GPM6B: variants seen among roughly 807,000 people sequenced by gnomAD.
The protein encoded by GPM6B is glycoprotein M6B.
Under a neutral mutation model 27.2 loss-of-function variants are expected in GPM6B, and 4 were observed. That is an observed-to-expected ratio of 0.15 (90% confidence interval 0.07 to 0.34). GPM6B has a LOEUF of 0.34. GPM6B is among the 10% of genes least tolerant of loss of function. The pLI is 1.00. For synonymous variants in GPM6B, 124 were observed against 103.1 expected, an observed-to-expected ratio of 1.20 and a Z score of -1.23; for missense variants, 183 against 261.9, an observed-to-expected ratio of 0.70 and a Z score of 2.08.
intron 1 of GPM6B, among the ~76,000 whole-genome samples, chrX:13,902,933 T>C (rs1242609052): frequency 3.6e-5 from 4 of 112,096 alleles, no homozygotes; most frequent in African/African-American, 1.3e-4. Flanking sequence ...TGGATATTAA[T>C]GGGTCTATCC....
In GPM6B at chrX:13,779,811, G is replaced by A; in HGVS notation, c.697+7C>T. The A allele has an allele frequency of 8.7e-7, 1 of 1,153,766 alleles. No individual in the cohort carries two copies. Among genetic ancestry groups the A allele is most frequent in the Non-Finnish European group, 1.2e-6 (1 of 855,538 alleles). ...AACTGGGGGAGGGGTGAATTAGAAG[G>A]AAGTACCGTATTGTCGGATATCCAC... On this transcript the variant is annotated splice_region_variant and intron_variant, in intron 5 of 7. Coordinates refer to ENST00000316715, the MANE Select transcript of GPM6B (RefSeq NM_001001995.3).
At chrX:13,907,933 C>G (rs1288253128) in intron 1 of GPM6B, among the ~76,000 whole-genome samples, 1 of 111,873 alleles carries the variant, frequency 8.9e-6, no homozygotes, top group Non-Finnish European at 1.9e-5. Flanking sequence ...GAAGTCATTA[C>G]TGAGAGCACA....
At chrX:13,872,477 C>G (rs1309179560) in intron 1 of GPM6B, among the ~76,000 whole-genome samples, 2 of 110,898 alleles carry the variant, frequency 1.8e-5, no homozygotes, top group African/African-American at 6.6e-5. Flanking sequence ...GCCTACATAT[C>G]ACTTTTGAGA....
chrX:13,772,988 T>G lies in GPM6B; in HGVS notation c.880A>C (p.Lys294Gln). Residue 294 changes from lysine (K) to glutamine (Q), a missense_variant, in exon 8 of 8, where the codon AAG becomes CAG. By Grantham distance (53) the Lys-to-Gln change is moderately conservative. Coordinates refer to ENST00000316715, the MANE Select transcript of GPM6B (RefSeq NM_001001995.3). ...TAAGCCTGCATTTTGCTCGCATCCTTTAAGTAAGCCCAGTTAGAAGACAGT... is the reference window on the plus strand; with the variant it reads ...TAAGCCTGCATTTTGCTCGCATCCTGTAAGTAAGCCCAGTTAGAAGACAGT... ...MILSSNWAYL[K>Q]DASKMQAYQD... 8.3e-7 allele frequency: 1 copy of G among 1,210,457 alleles called. No individual in the cohort carries two copies. Among genetic ancestry groups the G allele is most frequent in the Non-Finnish European group, 1.1e-6 (1 of 894,336 alleles).
At chrX:13,834,611 A>T (rs1385810883) in intron 1 of GPM6B, among the ~76,000 whole-genome samples, 2 of 111,751 alleles carry the variant, frequency 1.8e-5, no homozygotes, top group Admixed American at 9.5e-5. Flanking sequence ...GGGCTTAAAA[A>T]TTTTTTTCAT....
Position 13,791,902 on chromosome X carries a change from A to C in GPM6B, c.182-6094T>G, listed in dbSNP as rs749314460. ...CACACATACATACACACACACACACACCCTCCCAAACACCCCCCAACAAAC... is the reference window on the plus strand; with the variant it reads ...CACACATACATACACACACACACACCCCCTCCCAAACACCCCCCAACAAAC... On this transcript the variant is annotated intron_variant, in intron 2 of 7. Coordinates refer to ENST00000316715, the MANE Select transcript of GPM6B (RefSeq NM_001001995.3). Among the ~76,000 whole-genome samples, 100 of 108,894 alleles carry C rather than the reference A, an allele frequency of 9.2e-4. 2 individuals are homozygous for C. Among genetic ancestry groups the C allele is most frequent in the Non-Finnish European group, 5.2e-4 (27 of 52,367 alleles). 94.6% of individuals were successfully genotyped at this position (108,894 alleles called of 115,157 possible). A position where few individuals can be genotyped will look rare whatever the true frequency, so the allele number is the denominator to read the frequency against.
chrX:13,818,603 A>G (rs2049273878), upstream of GPM6B, among the ~76,000 whole-genome samples: 1 of 112,371 alleles, frequency 8.9e-6, no homozygotes, highest in Admixed American at 9.5e-5. Flanking sequence ...GACCACGCCC[A>G]CAATCAAATA....
At chrX:13,779,427 A>T (rs1425332680) in intron 5 of GPM6B, among the ~76,000 whole-genome samples, 4 of 112,432 alleles carry the variant, frequency 3.6e-5, no homozygotes, top group African/African-American at 1.3e-4. Context: ...AATTAATTGA[A>T]TTATACAATG....
chrX:13,919,830 G>A (rs2050461146), intron 1 of GPM6B, among the ~76,000 whole-genome samples: 1 of 111,755 alleles, frequency 8.9e-6, no homozygotes, highest in South Asian at 3.8e-4. Flanking sequence ...ACTGGGGGAT[G>A]AGTCTTTGCT....
At chrX:13,891,339 T>C (rs1030142482) in intron 1 of GPM6B, among the ~76,000 whole-genome samples, 3 of 111,296 alleles carry the variant, frequency 2.7e-5, no homozygotes, top group African/African-American at 9.8e-5. Context: ...ACTGCTGCTC[T>C]GGAATTCATA....
intron 2 of GPM6B, among the ~76,000 whole-genome samples, chrX:13,802,552 T>A (rs866237804): frequency 6.6e-5 from 7 of 106,019 alleles, no homozygotes; most frequent in African/African-American, 2.0e-4. Flanking sequence ...ATAAATTATT[T>A]TATATATATA....
intron 1 of GPM6B, among the ~76,000 whole-genome samples, chrX:13,827,894 GC>G (rs752242341): frequency 9.0e-6 from 1 of 111,717 alleles, no homozygotes; most frequent in East Asian, 2.8e-4. Flanking sequence ...CCTTCAACAT[GC>G]AGGAGTTGAC....
chrX:13,913,735 G>C (rs1464090498), intron 1 of GPM6B, among the ~76,000 whole-genome samples: 1 of 110,953 alleles, frequency 9.0e-6, no homozygotes, highest in East Asian at 2.8e-4. Flanking sequence ...TCAACTATGT[G>C]AAAAACTCTC....
intron 1 of GPM6B, among the ~76,000 whole-genome samples, chrX:13,830,714 C>T (rs1464400099): frequency 8.9e-6 from 1 of 112,493 alleles, no homozygotes; most frequent in Non-Finnish European, 1.9e-5. Flanking sequence ...TGGTAAGATT[C>T]ACACTAATAA....
intron 1 of GPM6B, among the ~76,000 whole-genome samples, chrX:13,903,376 G>A (rs1174530208): frequency 8.9e-6 from 1 of 112,028 alleles, no homozygotes; most frequent in East Asian, 2.8e-4. Flanking sequence ...TTTTCTTAGA[G>A]TCAGTATATT....
At chrX:13,887,995 C>T (rs958516758) in intron 1 of GPM6B, among the ~76,000 whole-genome samples, 23 of 111,732 alleles carry the variant, frequency 2.1e-4, no homozygotes, top group Non-Finnish European at 3.6e-4. Flanking sequence ...ATACAGCTGG[C>T]GCTAATTGCA....
chrX:13,777,909 A>C (rs187251263), intron 5 of GPM6B, among the ~76,000 whole-genome samples: 1 of 112,401 alleles, frequency 8.9e-6, no homozygotes, highest in East Asian at 2.8e-4. Flanking sequence ...TCAAACTTTC[A>C]TGGCAATTTG....
chrX:13,881,615 T>A (rs2050099093), intron 1 of GPM6B, among the ~76,000 whole-genome samples: 1 of 74,250 alleles, frequency 1.3e-5, no homozygotes, highest in Admixed American at 1.6e-4. Context: ...AGTACCAATC[T>A]GAGGCCTTTG....
intron 1 of GPM6B, among the ~76,000 whole-genome samples, chrX:13,913,914 G>A (rs753972434): frequency 2.7e-5 from 3 of 110,494 alleles, no homozygotes; most frequent in Non-Finnish European, 5.7e-5. Flanking sequence ...AACATGCCTG[G>A]CTAATTTTTT....
Sources: gnomAD v4.1 joint callset for allele counts (sites outside exome capture counted in the v4.1 genomes callset) on GRCh38, gnomAD v4.1.1 for gene constraint, MANE v1.5 for transcripts, NCBI Gene and HGNC (gene_info 2026-07-23, HGNC 2026-07-21) for gene names.